The following HNRNPD variants were observed in gnomAD, a reference collection of about 807,000 sequenced individuals.
The protein encoded by HNRNPD is heterogeneous nuclear ribonucleoprotein D, also known as heterogeneous nuclear ribonucleoprotein D0.
In HNRNPD, 3 loss-of-function variants were observed where a neutral mutation model predicts 47.9. The observed-to-expected ratio is 0.06, with a 90% CI of 0.03 to 0.16. The LOEUF (loss-of-function observed/expected upper bound fraction) is 0.16. HNRNPD is among the 10% of genes least tolerant of loss of function. HNRNPD has a pLI of 1.00. For synonymous variants in HNRNPD, 171 were observed against 165.1 expected (o/e 1.04, Z -0.28); for missense variants, 287 against 454.2 (o/e 0.63, Z 3.35).
chr4:82,358,972 A>C, intron 3 of HNRNPD, 152 bp from the exon 4 acceptor site: 1 of 620,068 alleles, frequency 1.6e-6, no homozygotes, highest in Non-Finnish European at 2.8e-6. Flanking sequence ...TGGTGATGTA[A>C]CATCAACTAA....
Position 82,356,559 on chromosome 4 carries a change from G to C in HNRNPD, c.978C>G (p.Tyr326Ter). 1 of 1,608,736 alleles carries C rather than the reference G, an allele frequency of 6.2e-7. No individual in the cohort carries two copies. The highest frequency in any genetic ancestry group is 8.5e-7 in the Non-Finnish European group (1 of 1,176,870). Residue 326 changes from tyrosine (Y) to a stop codon, truncating the protein, a stop_gained, in exon 7 of 9, where the codon TAC (tyrosine) becomes TAG (stop). Coordinates refer to ENST00000313899, the MANE Select transcript of HNRNPD (RefSeq NM_031370.3). LOFTEE classifies it high-confidence loss of function. ...TACTGCTATAATCACCATATCCATAGTAGTTGTTGTAACCAGTGTAGTCAT... is the reference window on the plus strand; with the variant it reads ...TACTGCTATAATCACCATATCCATACTAGTTGTTGTAACCAGTGTAGTCAT... The part of the protein sequence containing the change: ...GGYDYTGYNN[Y>*]YGYGDYSNQQ...
intron 1 of HNRNPD, among the ~76,000 whole-genome samples, chr4:82,372,263 C>T (rs896747111): frequency 1.3e-5 from 2 of 152,080 alleles, no homozygotes; most frequent in Non-Finnish European, 2.9e-5. Context: ...TGATTTAGTC[C>T]CTCCTGCTAA....
intron 2 of HNRNPD, among the ~76,000 whole-genome samples, chr4:82,362,795 T>A (rs1719541169): frequency 6.6e-6 from 1 of 152,062 alleles, no homozygotes; most frequent in Admixed American, 6.5e-5. Flanking sequence ...AGACGGGGTT[T>A]CCCCTCGTTG....
Position 82,364,265 on chromosome 4 carries a change from C to T in HNRNPD, c.291-4626G>A, listed in dbSNP as rs148028979. Among the ~76,000 whole-genome samples the T allele has an allele frequency of 1.1e-4, 16 of 152,292 alleles. No homozygotes were observed. The East Asian group carries it at 3.1e-3, about 29-fold the overall frequency. ...TCCAAACATGAACCACTCCACCTGGCCCCCTGCCTCTTACTAATTGTGTAA... is the reference window on the plus strand; with the variant it reads ...TCCAAACATGAACCACTCCACCTGGTCCCCTGCCTCTTACTAATTGTGTAA... On this transcript the variant is annotated intron_variant, in intron 2 of 8. Coordinates refer to ENST00000313899, the MANE Select transcript of HNRNPD (RefSeq NM_031370.3).
intron 2 of HNRNPD, among the ~76,000 whole-genome samples, 166 bp downstream of exon 2, chr4:82,371,362 T>G (rs1413591021): frequency 6.6e-6 from 1 of 152,176 alleles, no homozygotes; most frequent in African/African-American, 2.4e-5. Flanking sequence ...TGCCCAAAGA[T>G]TACACATGAT....
In HNRNPD at chr4:82,373,588, C is replaced by G. The variant is rs1037321879; in HGVS notation, c.91G>C (p.Val31Leu). 2.0e-6 allele frequency: 3 copies of G among 1,536,098 alleles called. No homozygotes were observed. The African/African-American group carries it at 4.2e-5, about 21-fold the overall frequency. Residue 31 changes from valine (V) to leucine (L), a missense_variant, in exon 1 of 9, where the codon GTG becomes CTG. Around this residue, in one of 5 missense-constraint regions of HNRNPD, gnomAD observed 161 missense variants for 137.1 expected, o/e 1.17. Transcript: ENST00000313899. ...GSAGEQEGAMVAATQGAAAAA... is the reference protein window; with the variant it reads ...GSAGEQEGAMLAATQGAAAAA... ...GCCGCTGCCCCCTGTGTCGCCGCCA[C>G]CATGGCTCCCTCCTGCTCGCCCGCC...
intron 2 of HNRNPD, among the ~76,000 whole-genome samples, chr4:82,363,079 C>T (rs1425449584): frequency 4.8e-5 from 7 of 146,552 alleles, no homozygotes; most frequent in African/African-American, 1.8e-4. Context: ...TTTACAAATA[C>T]TTATTTTTTT....
chr4:82,360,872 C>T (rs1719371880), intron 2 of HNRNPD, among the ~76,000 whole-genome samples: 1 of 152,184 alleles, frequency 6.6e-6, no homozygotes, highest in South Asian at 2.1e-4. Flanking sequence ...ACTGATCTTA[C>T]TATCCTACCA....
At position 82,359,938 on chromosome 4, in the gene HNRNPD, A is replaced by G. The variant is rs539088841; in HGVS notation, c.291-299T>C. Among the ~76,000 whole-genome samples the G allele has an allele frequency of 2.6e-5, 4 of 152,318 alleles. No homozygotes were observed. The South Asian group carries it at 8.3e-4, about 32-fold the overall frequency. On this transcript the variant is annotated intron_variant, in intron 2 of 8. Transcript: ENST00000313899. ...CATAAAAGTTTTCCTTAGATTAAAA[A>G]GTTAACAGCAAAAAAACCAGAATCT...
At chr4:82,361,477 CAAT>C (rs1719435174) in intron 2 of HNRNPD, among the ~76,000 whole-genome samples, 2 of 152,074 alleles carry the variant, frequency 1.3e-5, no homozygotes, top group African/African-American at 4.8e-5. Context: ...AGAAATTTCT[CAAT>C]AATAACTAAC....
At chr4:82,373,185 A>C in intron 1 of HNRNPD, 3 of 658,378 alleles carry the variant, frequency 4.6e-6, no homozygotes, top group Non-Finnish European at 5.6e-6. Flanking sequence ...CGAGGGAGGA[A>C]AGGAGGGCGG....
At chr4:82,372,598 C>T (rs889924922) in intron 1 of HNRNPD, among the ~76,000 whole-genome samples, 3 of 152,092 alleles carry the variant, frequency 2.0e-5, no homozygotes, top group Admixed American at 6.6e-5. Context: ...AGTTGGGGAA[C>T]CCAATAGCTG....
chr4:82,370,655 A>G (rs1719997299), intron 2 of HNRNPD, among the ~76,000 whole-genome samples: 2 of 152,276 alleles, frequency 1.3e-5, no homozygotes, highest in South Asian at 4.1e-4. Flanking sequence ...GTTACCCTAA[A>G]TAGGCTCTTA....
At chr4:82,355,442 A>G in intron 7 of HNRNPD, 41 bp from the exon 8 acceptor site, 1 of 1,381,808 alleles carries the variant, frequency 7.2e-7, no homozygotes, top group Middle Eastern at 1.8e-4. Flanking sequence ...GGTAGTGGTT[A>G]CATACTAATA....
Position 82,373,439 on chromosome 4 carries a change from T to C in HNRNPD, c.233+7A>G, listed in dbSNP as rs981483182. The stretch of plus-strand genomic sequence containing the variant: ...GGCCTGACTATCCTGGGATGCCCCT[T>C]ACTCACCCTTCATCCTCCTCGTTCT... On this transcript the variant is annotated splice_region_variant and intron_variant, in intron 1 of 8. Coordinates refer to ENST00000313899, the MANE Select transcript of HNRNPD (RefSeq NM_031370.3). 11 of 1,573,598 alleles carry C rather than the reference T, an allele frequency of 7.0e-6. No individual in the cohort carries two copies. Among genetic ancestry groups the C allele is most frequent in the Middle Eastern group, 1.7e-4 (1 of 5,976 alleles).
At chr4:82,372,554 T>C (rs1206681449) in intron 1 of HNRNPD, among the ~76,000 whole-genome samples, 2 of 151,980 alleles carry the variant, frequency 1.3e-5, no homozygotes, top group Non-Finnish European at 2.9e-5. Flanking sequence ...AAAATTAGGT[T>C]GCACATAAAA....
At chr4:82,359,423 A>G in intron 3 of HNRNPD, 48 bp downstream of exon 3, 6 of 1,283,588 alleles carry the variant, frequency 4.7e-6, no homozygotes, top group Non-Finnish European at 6.3e-6. Flanking sequence ...AACTATCCAT[A>G]TGTTAATATT....
At chr4:82,362,388 C>T (rs998941979) in intron 2 of HNRNPD, among the ~76,000 whole-genome samples, 1 of 151,780 alleles carries the variant, frequency 6.6e-6, no homozygotes, top group African/African-American at 2.4e-5. Flanking sequence ...GTCTTTGAGA[C>T]AAACGTATTA....
chr4:82,352,591 T>C lies in HNRNPD; in HGVS notation c.*1594A>G, dbSNP rs751470882. On this transcript the variant is annotated 3_prime_UTR_variant, in exon 9 of 9. Transcript: ENST00000313899. ...GCTTAACAACCCTAACACAAAAAAT[T>C]TTCATTTATTTTGACCATGAGTCAG... 6 of 152,200 alleles carry C rather than the reference T, an allele frequency of 3.9e-5. No homozygotes were observed. The highest frequency in any genetic ancestry group is 1.3e-4 in the Admixed American group (2 of 15,278). The allele number at this position is 152,200 out of a possible 1,614,324, so 9.4% of individuals were successfully genotyped here.
Sources: allele counts gnomAD v4.1 joint callset (sites outside exome capture counted in the v4.1 genomes callset), GRCh38; gene constraint gnomAD v4.1.1; regional missense constraint gnomAD v4.1.1; transcripts MANE v1.5; gene names NCBI Gene and HGNC (gene_info 2026-07-23, HGNC 2026-07-21).